Variants in SLC30A8 observed in about 807,000 individuals in gnomAD.
SLC30A8 encodes proton-coupled zinc antiporter SLC30A8.
A neutral mutation model predicts 36.9 loss-of-function variants in SLC30A8; 27 were observed. That is an observed-to-expected ratio of 0.73 (90% confidence interval 0.54 to 1.01). The LOEUF is 1.01. Ranked by LOEUF, SLC30A8 falls within the 50% of genes least tolerant of loss-of-function variation. The probability of loss-of-function intolerance (pLI) is 0.00; values close to 1 mark genes in which losing one functional copy is unlikely to be tolerated. For synonymous variants in SLC30A8, 164 were observed against 172.4 expected, an observed-to-expected ratio of 0.95 and a Z score of 0.38; for missense variants, 439 against 452.0, an observed-to-expected ratio of 0.97 and a Z score of 0.26.
chr8:117,137,895 A>G (rs1333893745), intron 1 of SLC30A8, among the ~76,000 whole-genome samples: 1 of 151,824 alleles, frequency 6.6e-6, no homozygotes, highest in African/African-American at 2.4e-5. Context: ...TTGCATGTGC[A>G]TATTGGATGA....
chr8:116,990,592 G>T (rs1033299262), intron 1 of SLC30A8, among the ~76,000 whole-genome samples: 3 of 152,088 alleles, frequency 2.0e-5, no homozygotes, highest in Non-Finnish European at 4.4e-5. Context: ...AGAAATATCA[G>T]AGCCAAGAGG....
rs1055112660 is a variant in SLC30A8 at position 117,057,319 on chromosome 8, T to C, written c.-226+18061T>C. Among the ~76,000 whole-genome samples, 28 of 152,294 alleles carry C rather than the reference T, an allele frequency of 1.8e-4. No individual in the cohort carries two copies. In the South Asian group the frequency reaches 2.5e-3, roughly 14 times the overall value. On this transcript the variant is annotated intron_variant, in intron 2 of 10. Coordinates refer to the SLC30A8 transcript ENST00000427715. Reference sequence around the variant, plus strand: ...TGTGATGATTTGGTATACATACATATTGTATAACGCTTACCACAATTGAAT... The same window carrying C: ...TGTGATGATTTGGTATACATACATACTGTATAACGCTTACCACAATTGAAT...
intron 2 of SLC30A8, among the ~76,000 whole-genome samples, chr8:117,090,753 C>T (rs1819082401): frequency 6.6e-6 from 1 of 152,216 alleles, no homozygotes; most frequent in South Asian, 2.1e-4. Flanking sequence ...AATGCCTGGG[C>T]ACTGGGTTTG....
At chr8:117,146,082 A>G (rs906099638) in intron 1 of SLC30A8, among the ~76,000 whole-genome samples, 1 of 152,154 alleles carries the variant, frequency 6.6e-6, no homozygotes, top group Non-Finnish European at 1.5e-5. Flanking sequence ...GTTTGCAATT[A>G]TCTATCATAT....
At chr8:117,051,404 G>A (rs1261924863) in intron 2 of SLC30A8, among the ~76,000 whole-genome samples, 1 of 152,132 alleles carries the variant, frequency 6.6e-6, no homozygotes, top group Non-Finnish European at 1.5e-5. Flanking sequence ...TTGGAGGCGG[G>A]GCCTCATGGG....
chr8:117,051,936 C>T (rs1388948605), intron 2 of SLC30A8, among the ~76,000 whole-genome samples: 2 of 152,224 alleles, frequency 1.3e-5, no homozygotes, highest in East Asian at 3.8e-4. Context: ...TGTAAGCCTC[C>T]TAAGGCCTCA....
chr8:117,033,404 A>G (rs922720099), intron 1 of SLC30A8, among the ~76,000 whole-genome samples: 2 of 152,252 alleles, frequency 1.3e-5, no homozygotes, highest in East Asian at 1.9e-4. Context: ...CATTTATAAG[A>G]CACATCCACA....
chr8:116,960,864 T>C (rs1231365851), intron 1 of SLC30A8, among the ~76,000 whole-genome samples: 1 of 152,208 alleles, frequency 6.6e-6, no homozygotes, highest in African/African-American at 2.4e-5. Context: ...AATTTTCATC[T>C]TAAAGAATGT....
chr8:116,984,172 T>C (rs1815366779), intron 1 of SLC30A8, among the ~76,000 whole-genome samples: 1 of 152,210 alleles, frequency 6.6e-6, no homozygotes, highest in Non-Finnish European at 1.5e-5. Flanking sequence ...TAGTATTCCA[T>C]GGTATGGATG....
At chr8:117,144,802 T>C (rs1366678415) in intron 1 of SLC30A8, among the ~76,000 whole-genome samples, 1 of 152,074 alleles carries the variant, frequency 6.6e-6, no homozygotes, top group African/African-American at 2.4e-5. Flanking sequence ...AGCCCTGTGG[T>C]TTAGGTAGAA....
rs546362081 is a variant in SLC30A8, at chr8:116,993,062, G to A, written c.-266+41943G>A. ...AAAACATAGCCAAATTATTAGTGGG[G>A]GAAAATCTGTCAAAATCTGAATAGA... On this transcript the variant is annotated intron_variant, in intron 1 of 10. Coordinates refer to the SLC30A8 transcript ENST00000427715. Among the ~76,000 whole-genome samples the A allele has an allele frequency of 1.2e-4, 18 of 152,128 alleles. No homozygotes were observed. In the South Asian group the frequency reaches 3.8e-3, roughly 32 times the overall value.
intron 2 of SLC30A8, among the ~76,000 whole-genome samples, chr8:117,150,263 C>T (rs1264336828): frequency 6.6e-6 from 1 of 152,202 alleles, no homozygotes; most frequent in Non-Finnish European, 1.5e-5. Context: ...ACAACTGTAG[C>T]CCAGCAATGG....
intron 1 of SLC30A8, among the ~76,000 whole-genome samples, chr8:117,035,026 T>C (rs914667004): frequency 1.4e-4 from 21 of 152,108 alleles, no homozygotes; most frequent in African/African-American, 5.1e-4. Context: ...CTCTCGACAC[T>C]GTGGGGATTA....
intron 1 of SLC30A8, among the ~76,000 whole-genome samples, chr8:116,969,803 A>G (rs749687337): frequency 6.6e-6 from 1 of 152,210 alleles, no homozygotes; most frequent in Non-Finnish European, 1.5e-5. Context: ...ATACCTGTAT[A>G]TCAGTTACCA....
intron 2 of SLC30A8, among the ~76,000 whole-genome samples, chr8:117,090,610 C>T (rs1053403697): frequency 2.6e-5 from 4 of 152,118 alleles, no homozygotes; most frequent in Non-Finnish European, 4.4e-5. Context: ...GCACTAATCC[C>T]ATTAATGAGG....
intron 2 of SLC30A8, among the ~76,000 whole-genome samples, chr8:117,060,316 T>C (rs1344077446): frequency 2.0e-5 from 3 of 151,960 alleles, no homozygotes; most frequent in South Asian, 4.2e-4. Flanking sequence ...GGTGGGAGCA[T>C]CTATATAGCC....
At chr8:117,093,416 T>C (rs1365267754) in intron 2 of SLC30A8, among the ~76,000 whole-genome samples, 1 of 151,836 alleles carries the variant, frequency 6.6e-6, no homozygotes, top group Non-Finnish European at 1.5e-5. Context: ...CACATTCACC[T>C]TACTGGGTTG....
intron 2 of SLC30A8, among the ~76,000 whole-genome samples, chr8:117,106,326 G>A (rs1388628096): frequency 6.6e-6 from 1 of 152,092 alleles, no homozygotes; most frequent in African/African-American, 2.4e-5. Flanking sequence ...ACTGTATTGG[G>A]AAATATAATT....
At chr8:117,032,654 C>G (rs973542902) in intron 1 of SLC30A8, among the ~76,000 whole-genome samples, 3 of 152,176 alleles carry the variant, frequency 2.0e-5, no homozygotes, top group Non-Finnish European at 2.9e-5. Context: ...CTTTGGGAGG[C>G]CCAGGTGGGC....
Sources: allele counts gnomAD v4.1 joint callset (sites outside exome capture counted in the v4.1 genomes callset), GRCh38; gene constraint gnomAD v4.1.1; transcripts MANE v1.5; gene names NCBI Gene and HGNC (gene_info 2026-07-23, HGNC 2026-07-21).